Variants in TMEM131L observed in about 807,000 individuals in gnomAD.
TMEM131L encodes the protein transmembrane 131 like, also known as transmembrane protein 131-like.
A neutral mutation model predicts 192.2 loss-of-function variants in TMEM131L; 54 were observed. That is an observed-to-expected ratio of 0.28 (90% confidence interval 0.23 to 0.35). The LOEUF (loss-of-function observed/expected upper bound fraction) is 0.35, where lower values mean the gene tolerates loss of function less well. Ranked by LOEUF, TMEM131L falls within the 10% of genes least tolerant of loss-of-function variation. The pLI, the probability that TMEM131L is intolerant of heterozygous loss-of-function variation, is 1.00. For missense variants in TMEM131L, 1,888 were observed against 1,972.9 expected, an observed-to-expected ratio of 0.96 and a Z score of 0.82; for synonymous variants, 701 against 704.9, an observed-to-expected ratio of 0.99 and a Z score of 0.09.
intron 18 of TMEM131L, 73 bp from the exon 19 acceptor site, chr4:153,593,726 G>T: frequency 1.0e-6 from 1 of 958,602 alleles, no homozygotes; most frequent in Non-Finnish European, 1.7e-6. Flanking sequence ...GTATATATGT[G>T]CACACACTTA....
intron 3 of TMEM131L, among the ~76,000 whole-genome samples, chr4:153,483,368 C>T (rs1312436524): frequency 3.3e-5 from 5 of 152,084 alleles, no homozygotes; most frequent in African/African-American, 4.8e-5. Flanking sequence ...GTAAGATGTG[C>T]GTTCTGAAGA....
chr4:153,617,380 A>C (rs1238750458), intron 26 of TMEM131L, among the ~76,000 whole-genome samples: 1 of 152,194 alleles, frequency 6.6e-6, no homozygotes, highest in African/African-American at 2.4e-5. Flanking sequence ...CAACTGTGTA[A>C]AGCTCCTATG....
In TMEM131L at chr4:153,472,607, A is replaced by G. The variant is rs556771093; in HGVS notation, c.196-1238A>G. On this transcript the variant is annotated intron_variant, in intron 2 of 34. Coordinates refer to ENST00000409959, the MANE Select transcript of TMEM131L (RefSeq NM_001131007.2). ...AATGGAAGCAGAGAGATAGACAGTA[A>G]ACAAGACAGAGAATAAATTTATTTA... Among the ~76,000 whole-genome samples, 3 of 152,242 alleles carry G rather than the reference A, an allele frequency of 2.0e-5. No individual in the cohort carries two copies. In the East Asian group the frequency reaches 5.8e-4, roughly 29 times the overall value.
chr4:153,601,481 C>G (rs974104947), intron 21 of TMEM131L, among the ~76,000 whole-genome samples: 5 of 152,036 alleles, frequency 3.3e-5, no homozygotes, highest in South Asian at 2.1e-4. Flanking sequence ...GAGCTATGAT[C>G]TCACCACTAT....
intron 8 of TMEM131L, among the ~76,000 whole-genome samples, 163 bp downstream of exon 8, chr4:153,581,066 A>G (rs2150732177): frequency 6.6e-6 from 1 of 152,344 alleles, no homozygotes. Flanking sequence ...ATCCTGGCTA[A>G]CACGGTGAAA....
chr4:153,540,732 T>G (rs6810447), intron 3 of TMEM131L, among the ~76,000 whole-genome samples: 55,444 of 152,170 alleles, frequency 0.36, 12,465 homozygotes, highest in African/African-American at 0.64. Context: ...CTAGTGCACC[T>G]TTAGGAAACT....
chr4:153,470,927 G>A (rs1434451888), intron 2 of TMEM131L, among the ~76,000 whole-genome samples: 4 of 152,166 alleles, frequency 2.6e-5, no homozygotes, highest in Admixed American at 6.5e-5. Context: ...GCCCTGCAGT[G>A]GCATTGTCAT....
Position 153,581,560 on chromosome 4 carries a change from G to A in TMEM131L, c.892G>A (p.Asp298Asn). The change falls in exon 9 of 35, where the codon GAT (aspartate) becomes AAT (asparagine). Residue 298 changes from aspartate to asparagine, a missense_variant and splice_region_variant. Transcript: ENST00000409959. ...AGCTACAGATGAATCTGAGACCTCA[G>A]GTAAGGTGGAATGTTTAAAAATTTT... ...YVATDESETS[D>N]DSAVNMYILH... The A allele has an allele frequency of 6.5e-7, 1 of 1,529,468 alleles. No homozygotes were observed. 94.7% of individuals were successfully genotyped at this position (1,529,468 alleles called of 1,614,324 possible). A position where few individuals can be genotyped will look rare whatever the true frequency, so the allele number is the denominator to read the frequency against.
At chr4:153,542,456 G>A (rs1178386560) in intron 3 of TMEM131L, among the ~76,000 whole-genome samples, 1 of 152,198 alleles carries the variant, frequency 6.6e-6, no homozygotes, top group African/African-American at 2.4e-5. Context: ...TAGTGAAGGG[G>A]CTGTGAATGC....
intron 3 of TMEM131L, among the ~76,000 whole-genome samples, chr4:153,492,989 A>G: frequency 6.6e-6 from 1 of 152,126 alleles, no homozygotes; most frequent in Non-Finnish European, 1.5e-5. Context: ...GGATGTGGTA[A>G]TGATGACCTG....
intron 3 of TMEM131L, among the ~76,000 whole-genome samples, chr4:153,526,864 T>C (rs1735527754): frequency 1.3e-5 from 2 of 151,724 alleles, no homozygotes; most frequent in South Asian, 4.2e-4. Context: ...AGAGGAGGGG[T>C]AAATTGTTCT....
chr4:153,589,796 A>G (rs977826688), intron 16 of TMEM131L, among the ~76,000 whole-genome samples: 2 of 152,146 alleles, frequency 1.3e-5, no homozygotes, highest in Non-Finnish European at 2.9e-5. Context: ...CCTCATCTAG[A>G]TTTTGTTCAC....
intron 3 of TMEM131L, among the ~76,000 whole-genome samples, chr4:153,506,523 G>C (rs1212555635): frequency 6.6e-6 from 1 of 152,104 alleles, no homozygotes; most frequent in Non-Finnish European, 1.5e-5. Context: ...ACCAAAAAAT[G>C]AGTAAATTTC....
chr4:153,491,286 AG>A (rs1224527100), intron 3 of TMEM131L, among the ~76,000 whole-genome samples: 2 of 152,244 alleles, frequency 1.3e-5, no homozygotes, highest in Non-Finnish European at 2.9e-5. Flanking sequence ...GAGAGTAGGT[AG>A]GAAGTAAGTG....
chr4:153,624,833 A>G (rs1236548404), intron 29 of TMEM131L, among the ~76,000 whole-genome samples: 1 of 152,204 alleles, frequency 6.6e-6, no homozygotes, highest in Non-Finnish European at 1.5e-5. Context: ...TGCAAGCTGT[A>G]CTATTTCTTC....
At chr4:153,476,040 C>A (rs1488301510) in intron 3 of TMEM131L, among the ~76,000 whole-genome samples, 1 of 151,510 alleles carries the variant, frequency 6.6e-6, no homozygotes, top group Non-Finnish European at 1.5e-5. Flanking sequence ...CCTACTGCAA[C>A]CTCCCCCTCC....
At chr4:153,566,631 G>A (rs1412493892) in intron 7 of TMEM131L, among the ~76,000 whole-genome samples, 5 of 152,048 alleles carry the variant, frequency 3.3e-5, no homozygotes, top group Admixed American at 3.3e-4. Flanking sequence ...AAGGTATAAT[G>A]TGATTATAAG....
rs145882084 is a variant in TMEM131L, at chr4:153,636,445, G to A, written c.4702G>A (p.Val1568Met). Residue 1568 changes from valine (V) to methionine (M), a missense_variant, in exon 35 of 35, where the codon GTG becomes ATG. Val to Met is a conservative substitution (Grantham distance 21). Coordinates refer to ENST00000409959, the MANE Select transcript of TMEM131L (RefSeq NM_001131007.2). ...HSTHMENQAV[V>M]CKEYYPGFNP... is the part of the protein sequence containing the mutation. ...GACCCACATGGAAAACCAAGCGGTC[G>A]TGTGCAAGGAATACTACCCGGGGTT... The A allele has an allele frequency of 7.4e-6, 12 of 1,614,040 alleles. No homozygotes were observed. The highest frequency in any genetic ancestry group is 2.7e-5 in the African/African-American group (2 of 74,894).
At chr4:153,587,229 G>A (rs1036144191) in intron 14 of TMEM131L, among the ~76,000 whole-genome samples, 5 of 151,950 alleles carry the variant, frequency 3.3e-5, no homozygotes, top group African/African-American at 1.2e-4. Context: ...GGAGCAGGCA[G>A]GTTTCAGGTA....
Sources: gnomAD v4.1 joint callset for allele counts (sites outside exome capture counted in the v4.1 genomes callset) on GRCh38, gnomAD v4.1.1 for gene constraint, MANE v1.5 for transcripts, NCBI Gene and HGNC (gene_info 2026-07-23, HGNC 2026-07-21) for gene names.